The following WAPL variants were observed in gnomAD, a reference collection of about 807,000 sequenced individuals.
The protein encoded by WAPL is wings apart-like protein homolog.
WAPL carries 5 observed loss-of-function variants against 121.0 expected under a neutral mutation model. That is an observed-to-expected ratio of 0.04 (90% CI 0.02 to 0.09). WAPL has a LOEUF of 0.09. Ranked by LOEUF, WAPL falls within the 10% of genes least tolerant of loss-of-function variation. The pLI is 1.00. For synonymous variants in WAPL, 480 were observed against 481.5 expected, an observed-to-expected ratio of 1.00 and a Z score of 0.04; for missense variants, 999 against 1,410.8, an observed-to-expected ratio of 0.71 and a Z score of 4.68.
chr10:86,473,123 A>G (rs556463169), intron 5 of WAPL, among the ~76,000 whole-genome samples: 3 of 152,350 alleles, frequency 2.0e-5, no homozygotes, highest in Admixed American at 6.5e-5. Flanking sequence ...AACCAGACAG[A>G]GTCAAAAGAA....
chr10:86,462,632 A>G (rs1478780952), intron 9 of WAPL, among the ~76,000 whole-genome samples: 1 of 149,048 alleles, frequency 6.7e-6, no homozygotes, highest in African/African-American at 2.5e-5. Context: ...AGGCAGGAGG[A>G]ATTGCTTGAA....
intron 2 of WAPL, among the ~76,000 whole-genome samples, chr10:86,515,948 C>T (rs1292239107): frequency 7.2e-6 from 1 of 139,308 alleles, no homozygotes; most frequent in African/African-American, 2.7e-5. Context: ...TCACTGCAAC[C>T]TCTGTCTCCT....
Position 86,452,148 on chromosome 10 carries a change from A to T in WAPL, c.2950-17T>A. The T allele has an allele frequency of 6.2e-7, 1 of 1,610,898 alleles. No homozygotes were observed. Among genetic ancestry groups the T allele is most frequent in the Non-Finnish European group, 8.5e-7 (1 of 1,178,598 alleles). On this transcript the variant is annotated splice_polypyrimidine_tract_variant and intron_variant, in intron 14 of 18. Transcript: ENST00000298767. ...ACCTAAGCCCTTCAAAAAGTTTAAA[A>T]GACACATATTATCAGAGATGAGTAC...
chr10:86,500,289 G>C lies in WAPL; in HGVS notation c.954C>G (p.Thr318=). 6.2e-7 allele frequency: 1 copy of C among 1,614,218 alleles called. No homozygotes were observed. Reference sequence around the variant, plus strand: ...TGTTTGCTTTGGCTAAGGCCTGACTGGTGCCGTCCATCAGCTTATCAAAAT... The same window carrying C: ...TGTTTGCTTTGGCTAAGGCCTGACTCGTGCCGTCCATCAGCTTATCAAAAT... ...ASNFDKLMDG[T]SQALAKANSE... is the part of the protein sequence containing the mutation. The change falls in exon 3 of 19, where the codon ACC becomes ACG. Residue 318 remains threonine, a synonymous_variant. Coordinates refer to ENST00000298767, the MANE Select transcript of WAPL (RefSeq NM_015045.5).
intron 5 of WAPL, among the ~76,000 whole-genome samples, 197 bp downstream of exon 5, chr10:86,473,679 GCA>G (rs1323750047): frequency 1.3e-5 from 2 of 152,116 alleles, no homozygotes; most frequent in Non-Finnish European, 2.9e-5. Context: ...TAACCTAGCA[GCA>G]CTAGAATTTC....
chr10:86,439,195 C>CA (rs1273926852), intron 17 of WAPL, among the ~76,000 whole-genome samples: 3 of 152,048 alleles, frequency 2.0e-5, no homozygotes, highest in African/African-American at 7.3e-5. Flanking sequence ...ATTCCCATGC[C>CA]AGGGTACTCG....
chr10:86,462,492 G>C (rs1032588329), intron 9 of WAPL, among the ~76,000 whole-genome samples: 2 of 152,000 alleles, frequency 1.3e-5, no homozygotes, highest in African/African-American at 4.8e-5. Flanking sequence ...GGCCGAGGCG[G>C]GCTGATCACC....
rs948834981 is a variant in WAPL at position 86,480,415 on chromosome 10, C to CA, written c.1645-6443dup. Reference sequence around the variant, plus strand: ...GGTCATAAGTTCTAAAAAGTCCATGCAAAAAACCATAAAATTCAGTAGTTG... The same window carrying CA: ...GGTCATAAGTTCTAAAAAGTCCATGCAAAAAAACCATAAAATTCAGTAGTTG... On this transcript the variant is annotated intron_variant, in intron 4 of 18. Coordinates refer to ENST00000298767, the MANE Select transcript of WAPL (RefSeq NM_015045.5). Among the ~76,000 whole-genome samples, 159 of 152,038 alleles carry CA rather than the reference C, an allele frequency of 1.0e-3. No homozygotes were observed. In the Middle Eastern group the frequency reaches 0.021, roughly 20 times the overall value.
intron 9 of WAPL, among the ~76,000 whole-genome samples, chr10:86,461,520 C>CAT (rs1841274681): frequency 6.6e-6 from 1 of 152,088 alleles, no homozygotes; most frequent in Admixed American, 6.5e-5. Flanking sequence ...TAATATTATA[C>CAT]ATATATATAG....
intron 16 of WAPL, 142 bp from the exon 17 acceptor site, chr10:86,443,505 A>C: frequency 1.9e-6 from 1 of 514,356 alleles, no homozygotes; most frequent in Non-Finnish European, 3.3e-6. Flanking sequence ...TCCACAGATT[A>C]ACAAAAATTT....
chr10:86,485,526 G>A (rs954494401), intron 4 of WAPL, among the ~76,000 whole-genome samples: 13 of 151,750 alleles, frequency 8.6e-5, no homozygotes, highest in Non-Finnish European at 1.8e-4. Context: ...AACAGAGCGA[G>A]ACTCCATATC....
In WAPL at chr10:86,500,618, C is replaced by G. The variant is rs1289828293; in HGVS notation, c.625G>C (p.Asp209His). The G allele has an allele frequency of 6.2e-7, 1 of 1,614,084 alleles. No homozygotes were observed. The highest frequency in any genetic ancestry group is 1.7e-5 in the Admixed American group (1 of 60,020). ...TTCCCAAACTGGGAGTTCCAAGTAT[C>G]ATTTGTTTCCTTGATTTCAGAAGCC... ...TVASEIKETN[D>H]TWNSQFGKRP... The change falls in exon 3 of 19, where the codon GAT becomes CAT. Residue 209 changes from aspartate (D) to histidine (H), a missense_variant. By Grantham distance (81) the Asp-to-His change is moderately conservative (BLOSUM62 -1). Around this residue, in one of 7 missense-constraint regions of WAPL, gnomAD observed 531 missense variants for 563.1 expected, o/e 0.94. Transcript: ENST00000298767.
chr10:86,500,004 A>C lies in WAPL; in HGVS notation c.1239T>G (p.Phe413Leu), dbSNP rs750628271. The C allele has an allele frequency of 6.2e-7, 1 of 1,614,190 alleles. No homozygotes were observed. The highest frequency in any genetic ancestry group is 8.5e-7 in the Non-Finnish European group (1 of 1,180,032). The change falls in exon 3 of 19, where the codon TTT becomes TTG. Residue 413 changes from phenylalanine (F) to leucine (L), a missense_variant. Coordinates refer to ENST00000298767, the MANE Select transcript of WAPL (RefSeq NM_015045.5). Reference sequence around the variant, plus strand: ...TTTTGGATTTAGTATTACTAGGTCGAAATCTAGTAGTAGTCTTAGAAGTTG... The same window carrying C: ...TTTTGGATTTAGTATTACTAGGTCGCAATCTAGTAGTAGTCTTAGAAGTTG... The part of the protein sequence containing the change: ...DIATSKTTTR[F>L]RPSNTKSKKD...
At chr10:86,461,079 T>C in intron 10 of WAPL, 97 bp downstream of exon 10, 1 of 990,894 alleles carries the variant, frequency 1.0e-6, no homozygotes, top group Non-Finnish European at 1.5e-6. Flanking sequence ...AATAGACATT[T>C]CCAAACTGAT....
At chr10:86,446,923 G>A (rs966631273) in intron 15 of WAPL, among the ~76,000 whole-genome samples, 2 of 152,182 alleles carry the variant, frequency 1.3e-5, no homozygotes, top group Non-Finnish European at 2.9e-5. Flanking sequence ...AAGATTTGTT[G>A]AGTATACAGA....
intron 4 of WAPL, among the ~76,000 whole-genome samples, chr10:86,490,229 TAC>T (rs1564580358): frequency 1.3e-5 from 2 of 151,462 alleles, no homozygotes; most frequent in African/African-American, 2.4e-5. Context: ...AAAAAACACA[TAC>T]ACACACACAG....
chr10:86,457,115 T>C (rs1276048336), intron 12 of WAPL, among the ~76,000 whole-genome samples: 1 of 151,878 alleles, frequency 6.6e-6, no homozygotes, highest in Non-Finnish European at 1.5e-5. Flanking sequence ...GAAAATGAAA[T>C]CAGAAACATT....
At chr10:86,515,262 C>CAA (rs1160321277) in intron 2 of WAPL, among the ~76,000 whole-genome samples, 1 of 114,100 alleles carries the variant, frequency 8.8e-6, no homozygotes, top group Non-Finnish European at 1.8e-5. Context: ...GACTTCATCT[C>CAA]AAAAAAAAAA....
chr10:86,460,368 T>A (rs948731876), intron 11 of WAPL, 31 bp downstream of exon 11: 1 of 1,571,470 alleles, frequency 6.4e-7, no homozygotes, highest in Admixed American at 1.7e-5. Flanking sequence ...TAAGACTGAA[T>A]AATTTTTGCC....
Sources: gnomAD v4.1 joint callset for allele counts (sites outside exome capture counted in the v4.1 genomes callset) on GRCh38, gnomAD v4.1.1 for gene constraint, gnomAD v4.1.1 regional missense constraint, MANE v1.5 for transcripts, NCBI Gene and HGNC (gene_info 2026-07-23, HGNC 2026-07-21) for gene names.